The following SLC13A1 variants were observed in gnomAD, a reference collection of about 807,000 sequenced individuals.
SLC13A1 encodes the protein solute carrier family 13 member 1.
In SLC13A1, 65 loss-of-function variants were observed where a neutral mutation model predicts 70.0. That is an observed-to-expected ratio of 0.93 (90% CI 0.76 to 1.14). SLC13A1 has a LOEUF of 1.14. Ranked by LOEUF, SLC13A1 falls within the 50% of genes most tolerant of loss-of-function variation. SLC13A1 has a pLI of 0.00. For missense variants in SLC13A1, 726 were observed against 717.8 expected (o/e 1.01, Z -0.13); for synonymous variants, 275 against 250.5 (o/e 1.10, Z -0.92).
chr7:123,147,097 A>T, intron 7 of SLC13A1, 62 bp downstream of exon 7: 1 of 1,522,456 alleles, frequency 6.6e-7, no homozygotes, highest in South Asian at 1.2e-5. Context: ...TCAGGTAAGA[A>T]TAATTTTTAT....
At chr7:123,184,565 T>C (rs531960740) in intron 1 of SLC13A1, among the ~76,000 whole-genome samples, 8 of 152,238 alleles carry the variant, frequency 5.3e-5, no homozygotes, top group African/African-American at 1.9e-4. Flanking sequence ...GGTTCATACA[T>C]GTTGTAACAA....
chr7:123,195,134 T>C (rs1288039164), intron 1 of SLC13A1, among the ~76,000 whole-genome samples: 2 of 152,122 alleles, frequency 1.3e-5, no homozygotes, highest in Non-Finnish European at 2.9e-5. Flanking sequence ...GCTGGGAAAG[T>C]TCTTGTAAAA....
At chr7:123,159,487 C>A (rs969625945) in intron 6 of SLC13A1, among the ~76,000 whole-genome samples, 1 of 152,104 alleles carries the variant, frequency 6.6e-6, no homozygotes, top group Non-Finnish European at 1.5e-5. Context: ...AGAAACCGAC[C>A]CAGATAACAC....
chr7:123,171,672 G>T, intron 3 of SLC13A1, 96 bp downstream of exon 3: 1 of 1,249,410 alleles, frequency 8.0e-7, no homozygotes, highest in Non-Finnish European at 1.2e-6. Flanking sequence ...GTGATACAAA[G>T]AATTTCCTGG....
chr7:123,165,969 A>G (rs1385517925), intron 6 of SLC13A1, among the ~76,000 whole-genome samples: 1 of 151,930 alleles, frequency 6.6e-6, no homozygotes, highest in African/African-American at 2.4e-5. Context: ...ACATTCTTGC[A>G]CTCATGAGTT....
intron 1 of SLC13A1, among the ~76,000 whole-genome samples, chr7:123,198,886 C>G (rs1279319409): frequency 6.6e-6 from 1 of 152,088 alleles, no homozygotes; most frequent in East Asian, 1.9e-4. Context: ...GAGACTGGCA[C>G]TGCACACTTA....
rs1328960310 is a variant in SLC13A1, at chr7:123,180,987, T to C, written c.214A>G (p.Met72Val). The C allele has an allele frequency of 6.2e-7, 1 of 1,611,734 alleles. No homozygotes were observed. Among genetic ancestry groups the C allele is most frequent in the African/African-American group, 1.3e-5 (1 of 74,786 alleles). The stretch of plus-strand genomic sequence containing the variant: ...AGAGGACTTACCTTCTTAGAAGGCA[T>C]GATCCCAAACATGGGTAACATTAAA... ...PSLMLPMFGIMPSKKVASAYF... is the reference protein window; with the variant it reads ...PSLMLPMFGIVPSKKVASAYF... The change falls in exon 2 of 15, where the codon ATG becomes GTG. Residue 72 changes from methionine to valine, a missense_variant. By Grantham distance (21) the Met-to-Val change is conservative (BLOSUM62 1). Transcript: ENST00000194130.
At chr7:123,174,111 G>GT (rs946218963) in intron 2 of SLC13A1, among the ~76,000 whole-genome samples, 1 of 150,398 alleles carries the variant, frequency 6.6e-6, no homozygotes. Flanking sequence ...TAGTCTCCTT[G>GT]TTTTATCCAT....
intron 6 of SLC13A1, among the ~76,000 whole-genome samples, chr7:123,156,138 T>C (rs1794706065): frequency 6.6e-6 from 1 of 152,136 alleles, no homozygotes; most frequent in Admixed American, 6.6e-5. Context: ...GCTTTTTTCA[T>C]TACCGATTTA....
rs537115351 is a variant in SLC13A1 at position 123,195,856 on chromosome 7, C to T, written c.99+3992G>A. ...TTGTCTCCTGATCTTAAAAAGGGGT[C>T]CTGATTAATAAGTAAGCTAGATAGA... On this transcript the variant is annotated intron_variant, in intron 1 of 14. Coordinates refer to ENST00000194130, the MANE Select transcript of SLC13A1 (RefSeq NM_022444.4). Among the ~76,000 whole-genome samples the T allele has an allele frequency of 3.3e-5, 5 of 151,988 alleles. No homozygotes were observed. The South Asian group carries it at 1.0e-3, about 32-fold the overall frequency.
chr7:123,169,022 G>A (rs1795165449), intron 4 of SLC13A1, 126 bp downstream of exon 4: 2 of 788,624 alleles, frequency 2.5e-6, no homozygotes, highest in African/African-American at 3.4e-5. Flanking sequence ...AACTATAGAG[G>A]GAAGAAAGTT....
In SLC13A1 at chr7:123,187,042, G is replaced by T. The variant is rs17145513; in HGVS notation, c.100-5941C>A. On this transcript the variant is annotated intron_variant, in intron 1 of 14. Coordinates refer to ENST00000194130, the MANE Select transcript of SLC13A1 (RefSeq NM_022444.4). The stretch of plus-strand genomic sequence containing the variant: ...CTTTTCTACTTAAAAATCTCTGTAC[G>T]TGTTACGACTCCCAAAAGTTACATC... Among the ~76,000 whole-genome samples the T allele has an allele frequency of 1.0e-2, 1,511 of 151,796 alleles. 25 individuals carry two copies. The highest frequency in any genetic ancestry group is 0.033 in the African/African-American group (1,360 of 41,390).
chr7:123,121,380 C>A (rs554216565), intron 12 of SLC13A1, among the ~76,000 whole-genome samples: 1 of 152,034 alleles, frequency 6.6e-6, no homozygotes, highest in Non-Finnish European at 1.5e-5. Flanking sequence ...ATTTTGCCAG[C>A]CTATATGTTT....
chr7:123,148,876 G>C (rs1003145925), intron 6 of SLC13A1, among the ~76,000 whole-genome samples: 2 of 152,136 alleles, frequency 1.3e-5, no homozygotes, highest in African/African-American at 2.4e-5. Flanking sequence ...AATGTCAAGA[G>C]AAGAACAGGA....
chr7:123,137,222 C>CA (rs1793982326), intron 7 of SLC13A1, among the ~76,000 whole-genome samples: 1 of 152,142 alleles, frequency 6.6e-6, no homozygotes, highest in Non-Finnish European at 1.5e-5. Flanking sequence ...ATGTGGTAGA[C>CA]AGAGTTCCAA....
At chr7:123,122,619 G>A (rs1793421173) in intron 12 of SLC13A1, among the ~76,000 whole-genome samples, 1 of 151,958 alleles carries the variant, frequency 6.6e-6, no homozygotes, top group Admixed American at 6.6e-5. Context: ...AAAGGGTTAT[G>A]TGAATTTTTC....
chr7:123,163,020 T>G (rs1004389715), intron 6 of SLC13A1, among the ~76,000 whole-genome samples: 1 of 152,114 alleles, frequency 6.6e-6, no homozygotes, highest in Non-Finnish European at 1.5e-5. Flanking sequence ...GTTTAGAAAT[T>G]GAGCTGATGT....
intron 4 of SLC13A1, 144 bp downstream of exon 4, chr7:123,169,004 A>C: frequency 1.5e-6 from 1 of 680,202 alleles, no homozygotes; most frequent in Non-Finnish European, 2.4e-6. Flanking sequence ...ATTTTTGTAG[A>C]TACTGAGAAC....
At position 123,197,532 on chromosome 7, in the gene SLC13A1, G is replaced by A. The variant is rs544147259; in HGVS notation, c.99+2316C>T. Among the ~76,000 whole-genome samples, 71 of 152,152 alleles carry A rather than the reference G, an allele frequency of 4.7e-4. 1 individual carries two copies. Among genetic ancestry groups the A allele is most frequent in the African/African-American group, 1.6e-3 (67 of 41,514 alleles). On this transcript the variant is annotated intron_variant, in intron 1 of 14. Coordinates refer to ENST00000194130, the MANE Select transcript of SLC13A1 (RefSeq NM_022444.4). ...AAAAAATAATTTGCTTTCATTGTAA[G>A]CAAGTTAAAATAATAGTCTTTCAGT...
Sources: gnomAD v4.1 joint callset for allele counts (sites outside exome capture counted in the v4.1 genomes callset) on GRCh38, gnomAD v4.1.1 for gene constraint, MANE v1.5 for transcripts, NCBI Gene and HGNC (gene_info 2026-07-23, HGNC 2026-07-21) for gene names.